Variants in ESRRG observed in about 807,000 individuals in gnomAD.
ESRRG encodes estrogen related receptor gamma, also known as estrogen-related receptor gamma.
ESRRG carries 13 observed loss-of-function variants against 44.0 expected under a neutral mutation model. The observed-to-expected ratio is 0.30, with a 90% CI of 0.19 to 0.47. The LOEUF is 0.47. Ranked by LOEUF, ESRRG falls within the 20% of genes least tolerant of loss-of-function variation. The pLI, the probability that ESRRG is intolerant of heterozygous loss-of-function variation, is 1.00. For synonymous variants in ESRRG, 215 were observed against 214.6 expected, an observed-to-expected ratio of 1.00 and a Z score of -0.02; for missense variants, 395 against 580.6, an observed-to-expected ratio of 0.68 and a Z score of 3.29.
rs112261375 is a variant in ESRRG at position 216,585,959 on chromosome 1, G to A, written c.590-17861C>T. On this transcript the variant is annotated intron_variant, in intron 3 of 6. Coordinates refer to ENST00000408911, the MANE Select transcript of ESRRG (RefSeq NM_001438.4). ...GGAGGCTGAGACAGGAGAATGGCGTGAACCCGGGAGGCGGAGCTTGCAGTG... is the reference window on the plus strand; with the variant it reads ...GGAGGCTGAGACAGGAGAATGGCGTAAACCCGGGAGGCGGAGCTTGCAGTG... Among the ~76,000 whole-genome samples, 818 of 152,166 alleles carry A rather than the reference G, an allele frequency of 5.4e-3. 6 individuals are homozygous for A. The highest frequency in any genetic ancestry group is 0.019 in the African/African-American group (778 of 41,508).
At chr1:216,982,332 T>A (rs1355284518) in intron 1 of ESRRG, among the ~76,000 whole-genome samples, 1 of 152,194 alleles carries the variant, frequency 6.6e-6, no homozygotes, top group African/African-American at 2.4e-5. Context: ...TGAAAAGAAA[T>A]GAGCCAAAAG....
chr1:217,063,888 T>C (rs1269888837), intron 1 of ESRRG, among the ~76,000 whole-genome samples: 1 of 152,124 alleles, frequency 6.6e-6, no homozygotes, highest in East Asian at 1.9e-4. Context: ...CTTGGAAAGG[T>C]AAGGACTGAA....
chr1:217,074,452 CAA>C (rs10656995), intron 1 of ESRRG, among the ~76,000 whole-genome samples: 37 of 138,576 alleles, frequency 2.7e-4, no homozygotes, highest in African/African-American at 7.1e-4. Flanking sequence ...CCACCCCCCC[CAA>C]AAAAAAAAAA....
intron 3 of ESRRG, among the ~76,000 whole-genome samples, chr1:216,629,588 T>A (rs1358555944): frequency 6.6e-6 from 1 of 152,192 alleles, no homozygotes; most frequent in African/African-American, 2.4e-5. Flanking sequence ...CAGACTCTAA[T>A]CAAGTGTGTA....
chr1:217,078,594 A>G (rs936428660), intron 1 of ESRRG, among the ~76,000 whole-genome samples: 1 of 152,164 alleles, frequency 6.6e-6, no homozygotes, highest in Admixed American at 6.5e-5. Context: ...GGGAAACCAC[A>G]CACTGTTACT....
chr1:216,940,098 T>C (rs1283980869), intron 1 of ESRRG, among the ~76,000 whole-genome samples: 1 of 152,186 alleles, frequency 6.6e-6, no homozygotes, highest in Non-Finnish European at 1.5e-5. Context: ...TCTCAAAATG[T>C]ATGCATTTCT....
At chr1:216,795,466 G>A (rs1358958826) in intron 2 of ESRRG, among the ~76,000 whole-genome samples, 2 of 147,964 alleles carry the variant, frequency 1.4e-5, no homozygotes, top group Non-Finnish European at 3.0e-5. Flanking sequence ...TCAGCCTCCC[G>A]AGTAACTGGG....
chr1:217,100,343 G>A (rs532689989), intron 1 of ESRRG, among the ~76,000 whole-genome samples: 1 of 152,168 alleles, frequency 6.6e-6, no homozygotes, highest in Non-Finnish European at 1.5e-5. Flanking sequence ...TCTATAATAG[G>A]TCAGGGCTGG....
intron 1 of ESRRG, among the ~76,000 whole-genome samples, chr1:217,104,995 T>G (rs1040624523): frequency 6.6e-6 from 1 of 152,140 alleles, no homozygotes; most frequent in East Asian, 1.9e-4. Context: ...GTGAATTCAG[T>G]TGGACAGTTA....
At chr1:216,618,173 C>G (rs1452346681) in intron 3 of ESRRG, among the ~76,000 whole-genome samples, 1 of 152,208 alleles carries the variant, frequency 6.6e-6, no homozygotes, top group Non-Finnish European at 1.5e-5. Flanking sequence ...ACAAGACTCA[C>G]ATAGTAATAT....
intron 2 of ESRRG, among the ~76,000 whole-genome samples, chr1:216,796,170 T>C (rs2094465437): frequency 6.6e-6 from 1 of 152,110 alleles, no homozygotes; most frequent in Non-Finnish European, 1.5e-5. Context: ...ATAACAGAAA[T>C]AGAAGGAGCA....
chr1:216,741,611 G>A (rs1341806031), intron 2 of ESRRG, among the ~76,000 whole-genome samples: 1 of 152,122 alleles, frequency 6.6e-6, no homozygotes. Context: ...GCTACTTGAA[G>A]GCAGAGACCC....
intron 1 of ESRRG, among the ~76,000 whole-genome samples, chr1:217,007,295 T>C (rs2077880334): frequency 6.6e-6 from 1 of 152,164 alleles, no homozygotes; most frequent in Non-Finnish European, 1.5e-5. Flanking sequence ...GCCAACACCA[T>C]CACCATATGG....
At chr1:216,918,053 C>T (rs1334798355) in intron 2 of ESRRG, among the ~76,000 whole-genome samples, 2 of 152,042 alleles carry the variant, frequency 1.3e-5, no homozygotes, top group Admixed American at 1.3e-4. Context: ...TGTCAAAACG[C>T]CTTTTATGTC....
chr1:216,753,871 C>A (rs1385258199), intron 2 of ESRRG, among the ~76,000 whole-genome samples: 1 of 151,970 alleles, frequency 6.6e-6, no homozygotes, highest in African/African-American at 2.4e-5. Context: ...GGTGTGCATG[C>A]ATTGTCTACA....
rs71163786 is a variant in ESRRG at position 217,026,912 on chromosome 1, C to CAG, written c.-106+62593_-106+62594dup. On this transcript the variant is annotated intron_variant, in intron 1 of 7. Transcript: ENST00000359162. The stretch of plus-strand genomic sequence containing the variant: ...ATACACACACACACACACACACACA[C>CAG]AGAGAGAGAGAGAGAGAGAGAGAGA... Among the ~76,000 whole-genome samples, 789 of 93,468 alleles carry CAG rather than the reference C, an allele frequency of 8.4e-3. 9 individuals carry two copies. The highest frequency in any genetic ancestry group is 0.025 in the African/African-American group (612 of 24,878). The allele number at this position is 93,468 out of a possible 152,430, so 61.3% of individuals were successfully genotyped here. A position where few individuals can be genotyped will look rare whatever the true frequency, so the allele number is the denominator to read the frequency against.
chr1:216,723,371 T>C lies in ESRRG; in HGVS notation c.-72A>G. 1 of 1,422,988 alleles carries C rather than the reference T, an allele frequency of 7.0e-7. No homozygotes were observed. The highest frequency in any genetic ancestry group is 1.2e-5 in the South Asian group (1 of 86,956). 88.1% of individuals were successfully genotyped at this position (1,422,988 alleles called of 1,614,324 possible). On this transcript the variant is annotated 5_prime_UTR_variant, in exon 1 of 7. Transcript: ENST00000408911. ...TTTCCTTGACAGAGCACAGTGCAAT[T>C]AACACAAATGTTCTCCTAGTGACAA... is the stretch of plus-strand genomic sequence containing the variant.
intron 5 of ESRRG, among the ~76,000 whole-genome samples, chr1:216,530,265 G>A (rs1196902530): frequency 1.4e-4 from 18 of 131,052 alleles, no homozygotes; most frequent in Non-Finnish European, 5.1e-5. Flanking sequence ...GAAATAAGCT[G>A]TAGTGAATTA....
At chr1:216,682,531 C>A (rs1452965139) in intron 1 of ESRRG, among the ~76,000 whole-genome samples, 2 of 152,086 alleles carry the variant, frequency 1.3e-5, no homozygotes, top group Non-Finnish European at 2.9e-5. Context: ...TGTGATTCAT[C>A]AGAATCACAG....
Sources: allele counts gnomAD v4.1 joint callset (sites outside exome capture counted in the v4.1 genomes callset), GRCh38; gene constraint gnomAD v4.1.1; transcripts MANE v1.5; gene names NCBI Gene and HGNC (gene_info 2026-07-23, HGNC 2026-07-21).